The following GAN variants were observed in gnomAD, a reference collection of about 807,000 sequenced individuals.
The protein encoded by GAN is epididymis secretory sperm binding protein.
GAN carries 48 observed loss-of-function variants against 71.3 expected under a neutral mutation model. The ratio of observed to expected loss-of-function variants is 0.67; its 90% CI spans 0.53 to 0.86. The LOEUF is 0.86. GAN is among the 40% of genes least tolerant of loss of function. GAN has a pLI of 0.00. For synonymous variants in GAN, 386 were observed against 276.8 expected, an observed-to-expected ratio of 1.39 and a Z score of -3.92; for missense variants, 928 against 770.1, an observed-to-expected ratio of 1.21 and a Z score of -2.43.
chr16:81,376,663 T>C (rs919400071), intron 9 of GAN, among the ~76,000 whole-genome samples: 32 of 150,062 alleles, frequency 2.1e-4, no homozygotes, highest in Admixed American at 6.6e-4. Flanking sequence ...TGTATATATG[T>C]GTGTATATAC....
At chr16:81,364,225 C>T (rs1469204274) in intron 7 of GAN, among the ~76,000 whole-genome samples, 1 of 152,112 alleles carries the variant, frequency 6.6e-6, no homozygotes, top group Non-Finnish European at 1.5e-5. Flanking sequence ...GCCACATCTT[C>T]CCAACCTATT....
chr16:81,330,373 G>T (rs193226067), intron 1 of GAN, among the ~76,000 whole-genome samples: 74 of 152,374 alleles, frequency 4.9e-4, no homozygotes, highest in Non-Finnish European at 6.6e-4. Flanking sequence ...TCAGAAGACA[G>T]GCTTTGTGCA....
chr16:81,315,612 C>T (rs1477783626), intron 1 of GAN, among the ~76,000 whole-genome samples: 1 of 152,110 alleles, frequency 6.6e-6, no homozygotes, highest in Non-Finnish European at 1.5e-5. Flanking sequence ...ACCCTGAGGC[C>T]CCCAGACGCC....
At chr16:81,358,323 T>C (rs146225611) in intron 5 of GAN, among the ~76,000 whole-genome samples, 148 of 152,192 alleles carry the variant, frequency 9.7e-4, no homozygotes, top group East Asian at 2.1e-3. Context: ...ATATAAAATA[T>C]GTTATATAAG....
At chr16:81,365,156 T>C in intron 8 of GAN, 46 bp downstream of exon 8, 1 of 1,601,952 alleles carries the variant, frequency 6.2e-7, no homozygotes, top group Non-Finnish European at 8.5e-7. Context: ...TGCTGTTCAC[T>C]GGGTCTGGAG....
intron 1 of GAN, among the ~76,000 whole-genome samples, chr16:81,318,963 C>T (rs1173309072): frequency 2.0e-5 from 3 of 152,132 alleles, no homozygotes; most frequent in African/African-American, 7.2e-5. Context: ...CAAAGCTTTT[C>T]CTCCTTTTGG....
chr16:81,379,671 C>G lies in GAN; in HGVS notation c.*2075C>G, dbSNP rs989238122. 1 of 152,168 alleles carries G rather than the reference C, an allele frequency of 6.6e-6. No homozygotes were observed. Among genetic ancestry groups the G allele is most frequent in the South Asian group, 2.1e-4 (1 of 4,826 alleles). 9.4% of individuals were successfully genotyped at this position (152,168 alleles called of 1,614,324 possible). A position where few individuals can be genotyped will look rare whatever the true frequency, so the allele number is the denominator to read the frequency against. On this transcript the variant is annotated 3_prime_UTR_variant, in exon 11 of 11. Coordinates refer to ENST00000648994, the MANE Select transcript of GAN (RefSeq NM_022041.4). ...ACTAAATTTGCTTTGGTGAAATGTC[C>G]TGTACAGAACAGTACCTTGGCATTC...
In GAN at chr16:81,346,930, T is replaced by C. The variant is rs74606336; in HGVS notation, c.168-4653T>C. Among the ~76,000 whole-genome samples the C allele has an allele frequency of 2.4e-3, 359 of 152,276 alleles. 7 individuals are homozygous for C. Among genetic ancestry groups the C allele is most frequent in the East Asian group, 6.0e-3 (31 of 5,174 alleles). ...TGCTATTTGACAAAGGAAAATGATT[T>C]AAAAGGATCAGATCCATTTTTCCAA... On this transcript the variant is annotated intron_variant, in intron 1 of 10. Coordinates refer to ENST00000648994, the MANE Select transcript of GAN (RefSeq NM_022041.4).
chr16:81,357,667 C>T (rs567355632), intron 4 of GAN, 143 bp from the exon 5 acceptor site: 43 of 765,630 alleles, frequency 5.6e-5, no homozygotes, highest in Non-Finnish European at 8.5e-5. Flanking sequence ...TTCTAGATCC[C>T]TGAGGAATCG....
chr16:81,377,192 A>T (rs1904284365), intron 9 of GAN, 27 bp from the exon 10 acceptor site: 2 of 1,315,756 alleles, frequency 1.5e-6, no homozygotes, highest in Non-Finnish European at 1.1e-6. Flanking sequence ...TGATTTCCTT[A>T]ATTTTGTGCA....
At chr16:81,358,717 A>G (rs1910572963) in intron 5 of GAN, among the ~76,000 whole-genome samples, 1 of 152,206 alleles carries the variant, frequency 6.6e-6, no homozygotes, top group Non-Finnish European at 1.5e-5. Context: ...TGACCTTTAC[A>G]AGTTTGAAAA....
intron 1 of GAN, among the ~76,000 whole-genome samples, chr16:81,344,932 A>T (rs893792023): frequency 2.0e-5 from 3 of 152,214 alleles, no homozygotes; most frequent in African/African-American, 7.2e-5. Context: ...CCCATCGAAA[A>T]ATGGGCAAAG....
intron 7 of GAN, 111 bp downstream of exon 7, chr16:81,364,054 T>A: frequency 1.1e-6 from 1 of 902,016 alleles, no homozygotes; most frequent in Non-Finnish European, 1.9e-6. Context: ...TTAAAAGAAT[T>A]AACTTTATAG....
At chr16:81,316,330 C>G (rs184160023) in intron 1 of GAN, among the ~76,000 whole-genome samples, 11 of 131,942 alleles carry the variant, frequency 8.3e-5, no homozygotes, top group Admixed American at 8.2e-4. Flanking sequence ...GCGCTTTGTC[C>G]CAGCAAAACC....
At chr16:81,370,534 G>A (rs2150694975) in intron 9 of GAN, among the ~76,000 whole-genome samples, 1 of 152,356 alleles carries the variant, frequency 6.6e-6, no homozygotes, top group East Asian at 1.9e-4. Context: ...AAACACCCAA[G>A]GAAGGAACAA....
intron 3 of GAN, 36 bp from the exon 4 acceptor site, chr16:81,356,749 A>G (rs1567492381): frequency 2.9e-6 from 4 of 1,381,892 alleles, no homozygotes; most frequent in East Asian, 2.3e-5. Flanking sequence ...TGCATTTTCC[A>G]TTGTTTTCGC....
rs1401068154 is a variant in GAN, at chr16:81,354,632, C to G, written c.510C>G (p.Phe170Leu). ...HFRDVSSTEE[F>L]LELSPQKLKE... ...GAGACGTCAGCAGCACGGAAGAATT[C>G]TTAGAGCTGAGTCCTCAAAAGCTTA... is the stretch of plus-strand genomic sequence containing the variant. The change falls in exon 3 of 11, where the codon TTC becomes TTG. Residue 170 changes from phenylalanine (F) to leucine (L), a missense_variant. Coordinates refer to ENST00000648994, the MANE Select transcript of GAN (RefSeq NM_022041.4). 6.2e-7 allele frequency: 1 copy of G among 1,613,712 alleles called. No individual in the cohort carries two copies. Among genetic ancestry groups the G allele is most frequent in the Non-Finnish European group, 8.5e-7 (1 of 1,179,616 alleles).
intron 2 of GAN, among the ~76,000 whole-genome samples, chr16:81,353,247 G>A (rs1910361378): frequency 6.7e-6 from 1 of 148,302 alleles, no homozygotes; most frequent in East Asian, 2.0e-4. Flanking sequence ...AGCCGAGATT[G>A]CGCCACTGCA....
At chr16:81,339,158 C>T (rs1016740636) in intron 1 of GAN, among the ~76,000 whole-genome samples, 1 of 152,166 alleles carries the variant, frequency 6.6e-6, no homozygotes, top group Admixed American at 6.6e-5. Flanking sequence ...AAAGAGTGGT[C>T]TGGAGACCGA....
Sources: gnomAD v4.1 joint callset for allele counts (sites outside exome capture counted in the v4.1 genomes callset) on GRCh38, gnomAD v4.1.1 for gene constraint, MANE v1.5 for transcripts, NCBI Gene and HGNC (gene_info 2026-07-23, HGNC 2026-07-21) for gene names.